The following ANXA8L1 variants were observed in gnomAD, a reference collection of about 807,000 sequenced individuals.
ANXA8L1 encodes the protein annexin A8-like protein 1.
ANXA8L1 carries 10 observed loss-of-function variants against 22.5 expected under a neutral mutation model. That is an observed-to-expected ratio of 0.44 (90% CI 0.27 to 0.75). The LOEUF (loss-of-function observed/expected upper bound fraction) is 0.75, where lower values mean the gene tolerates loss of function less well. Among genes scored for constraint, ANXA8L1 ranks in the 30% least tolerant of loss-of-function variants. ANXA8L1 has a pLI of 0.15. For synonymous variants in ANXA8L1, 36 were observed against 86.0 expected (o/e 0.42, Z 3.22); for missense variants, 88 against 219.6 (o/e 0.40, Z 3.79).
At chr10:46,384,920 T>A in intron 7 of ANXA8L1, 87 bp downstream of exon 7, 2 of 1,597,494 alleles carry the variant, frequency 1.3e-6, no homozygotes, top group Non-Finnish European at 1.7e-6. Flanking sequence ...TCTCTGACAC[T>A]GGGCTGGGAC....
chr10:46,391,697 T>TTCA lies in ANXA8L1; in HGVS notation c.*767_*768insTCA, dbSNP rs1840087907. 1 of 115,526 alleles carries TTCA rather than the reference T, an allele frequency of 8.7e-6. No homozygotes were observed. Among genetic ancestry groups the TTCA allele is most frequent in the African/African-American group, 4.3e-5 (1 of 23,354 alleles). 7.2% of individuals were successfully genotyped at this position (115,526 alleles called of 1,614,324 possible). A position where few individuals can be genotyped will look rare whatever the true frequency, so the allele number is the denominator to read the frequency against. On this transcript the variant is annotated 3_prime_UTR_variant, in exon 12 of 12. Coordinates refer to ENST00000619162, the MANE Select transcript of ANXA8L1 (RefSeq NM_001098845.3). ...CCCTCAGCACCACTCTTGTCCCCAC[T>TTCA]GAACGGCAACTGAGACTGGGTACCT... is the stretch of plus-strand genomic sequence containing the variant.
chr10:46,390,460 G>A (rs1840068571), intron 11 of ANXA8L1, among the ~76,000 whole-genome samples: 2 of 123,424 alleles, frequency 1.6e-5, no homozygotes, highest in South Asian at 4.9e-4. Flanking sequence ...CCTGCTCCCA[G>A]GTGTGTGCTG....
chr10:46,388,825 A>G (rs1840042244), intron 11 of ANXA8L1, among the ~76,000 whole-genome samples: 1 of 151,708 alleles, frequency 6.6e-6, no homozygotes, highest in Admixed American at 6.6e-5. Context: ...AGAAGAAGCC[A>G]CCTCTGAATA....
intron 1 of ANXA8L1, among the ~76,000 whole-genome samples, chr10:46,376,233 C>CGT (rs1306419858): frequency 7.4e-6 from 1 of 135,156 alleles, no homozygotes; most frequent in Admixed American, 7.6e-5. Flanking sequence ...GGTGCACACA[C>CGT]GTGTGCATTT....
At chr10:46,385,499 CG>C in intron 8 of ANXA8L1, 26 bp downstream of exon 8, 1 of 1,270,150 alleles carries the variant, frequency 7.9e-7, no homozygotes, top group Non-Finnish European at 1.1e-6. Context: ...GGGCTGGGGC[CG>C]GGGCCACAGG....
At chr10:46,377,799 C>G (rs1238279774) in intron 1 of ANXA8L1, among the ~76,000 whole-genome samples, 2 of 119,380 alleles carry the variant, frequency 1.7e-5, no homozygotes, top group African/African-American at 7.0e-5. Flanking sequence ...TGGGCAGCCA[C>G]GTAGCAGGGG....
In ANXA8L1 at chr10:46,375,826, A is replaced by G. The variant is rs1161261530; in HGVS notation, c.-26A>G. On this transcript the variant is annotated 5_prime_UTR_variant, in exon 1 of 12. Transcript: ENST00000619162. ...CAACCTGTGTCTCTTCATCTCCGTGAGAAAGGTGCCCCCGAAGTGAAAGAG... is the reference window on the plus strand; with the variant it reads ...CAACCTGTGTCTCTTCATCTCCGTGGGAAAGGTGCCCCCGAAGTGAAAGAG... 22 of 1,608,196 alleles carry G rather than the reference A, an allele frequency of 1.4e-5. No homozygotes were observed. Among genetic ancestry groups the G allele is most frequent in the Admixed American group, 3.4e-5 (2 of 59,578 alleles).
At position 46,385,466 on chromosome 10, in the gene ANXA8L1, G is replaced by A. The variant is rs2133014379; in HGVS notation, c.639G>A (p.Leu213=). Residue 213 remains leucine (L), a synonymous_variant, in exon 8 of 12, where the codon CTG becomes CTA. Coordinates refer to ENST00000619162, the MANE Select transcript of ANXA8L1 (RefSeq NM_001098845.3). The part of the protein sequence containing the change: ...TILCTRSATH[L]LRVFEEYEKI... Reference sequence around the variant, plus strand: ...TGTGCACGCGCAGTGCCACTCACCTGCTGAGAGGTACCAGGGAGGGAGGGG... The same window carrying A: ...TGTGCACGCGCAGTGCCACTCACCTACTGAGAGGTACCAGGGAGGGAGGGG... 3.2e-6 allele frequency: 4 copies of A among 1,266,904 alleles called. 2 individuals carry two copies. The highest frequency in any genetic ancestry group is 4.3e-6 in the Non-Finnish European group (4 of 922,630). 78.5% of individuals were successfully genotyped at this position (1,266,904 alleles called of 1,614,324 possible). A position where few individuals can be genotyped will look rare whatever the true frequency, so the allele number is the denominator to read the frequency against.
chr10:46,389,749 G>A (rs1167495141), intron 11 of ANXA8L1, among the ~76,000 whole-genome samples: 2 of 151,542 alleles, frequency 1.3e-5, no homozygotes, highest in East Asian at 3.9e-4. Flanking sequence ...AGGCGTAGTG[G>A]CCCACACCTG....
rs1329592073 is a variant in ANXA8L1, at chr10:46,385,732, A to G, written c.667A>G (p.Ile223Val). 1 of 343,838 alleles carries G rather than the reference A, an allele frequency of 2.9e-6. No homozygotes were observed. The highest frequency in any genetic ancestry group is 3.0e-5 in the East Asian group (1 of 33,408). The allele number at this position is 343,838 out of a possible 1,614,324, so 21.3% of individuals were successfully genotyped here. A position where few individuals can be genotyped will look rare whatever the true frequency, so the allele number is the denominator to read the frequency against. Residue 223 changes from isoleucine (I) to valine (V), a missense_variant, in exon 9 of 12, where the codon ATT becomes GTT. Transcript: ENST00000619162. Reference protein sequence around the residue: ...LLRVFEEYEKIANKSIEDSIK... With the variant: ...LLRVFEEYEKVANKSIEDSIK... ...CACAGTGTTTGAAGAGTATGAGAAA[A>G]TTGCCAACAAGAGCATTGAGGACAG...
chr10:46,385,519 G>A, intron 8 of ANXA8L1, 46 bp downstream of exon 8: 1 of 1,296,900 alleles, frequency 7.7e-7, no homozygotes, highest in South Asian at 1.3e-5. Flanking sequence ...GGGGTGTCCT[G>A]GCCATGAGCC....
intron 11 of ANXA8L1, among the ~76,000 whole-genome samples, chr10:46,390,229 C>G (rs1324987734): frequency 6.6e-6 from 1 of 150,628 alleles, no homozygotes; most frequent in African/African-American, 2.5e-5. Flanking sequence ...CATCGGACCA[C>G]AAGGTCAGTC....
At chr10:46,384,504 G>A (rs1428534163) in intron 6 of ANXA8L1, among the ~76,000 whole-genome samples, 1,392 of 110,438 alleles carry the variant, frequency 0.013, 76 homozygotes, top group African/African-American at 0.051. Flanking sequence ...TCCTGGAAGC[G>A]GGAGGAGAGC....
rs1448305099 is a variant in ANXA8L1, at chr10:46,381,468, C to T, written c.207+228C>T. The T allele has an allele frequency of 4.4e-5, 18 of 407,772 alleles. 5 individuals are homozygous for T. Among genetic ancestry groups the T allele is most frequent in the Non-Finnish European group, 6.6e-5 (15 of 226,678 alleles). 25.3% of individuals were successfully genotyped at this position (407,772 alleles called of 1,614,324 possible). On this transcript the variant is annotated intron_variant, in intron 3 of 11. Coordinates refer to ENST00000619162, the MANE Select transcript of ANXA8L1 (RefSeq NM_001098845.3). ...TACTTTTAGGTGTCAGAGCCCGGGC[C>T]GGGGGCTGGCCTTCCTTGCTTCCTT...
At position 46,384,817 on chromosome 10, in the gene ANXA8L1, C is replaced by G; in HGVS notation, c.536C>G (p.Ala179Gly). ...DVSSFVDPAL[A>G]LQDAQDLYAA... Reference sequence around the variant, plus strand: ...AGCAGCTTTGTGGACCCGGCACTGGCCCTCCAAGACGCACAGGTGAGGCTG... The same window carrying G: ...AGCAGCTTTGTGGACCCGGCACTGGGCCTCCAAGACGCACAGGTGAGGCTG... Residue 179 changes from alanine to glycine, a missense_variant, in exon 7 of 12, where the codon GCC becomes GGC. Coordinates refer to ENST00000619162, the MANE Select transcript of ANXA8L1 (RefSeq NM_001098845.3). The G allele has an allele frequency of 6.2e-7, 1 of 1,613,152 alleles. No homozygotes were observed.
At chr10:46,383,217 C>T (rs1439984385) in intron 4 of ANXA8L1, among the ~76,000 whole-genome samples, 2 of 145,352 alleles carry the variant, frequency 1.4e-5, no homozygotes, top group Non-Finnish European at 3.0e-5. Context: ...ATGGAGCAGC[C>T]TGTCTGAGAC....
At chr10:46,390,805 C>G in intron 11 of ANXA8L1, 66 bp from the exon 12 acceptor site, 1 of 1,085,138 alleles carries the variant, frequency 9.2e-7, no homozygotes, top group Admixed American at 2.5e-5. Flanking sequence ...CATAATAACA[C>G]AGCCGCCACT....
rs781960365 is a variant in ANXA8L1 at position 46,390,932 on chromosome 10, G to A, written c.*2G>A. The A allele has an allele frequency of 4.3e-6, 6 of 1,408,350 alleles. No homozygotes were observed. The South Asian group carries it at 7.2e-5, about 17-fold the overall frequency. The allele number at this position is 1,408,350 out of a possible 1,614,324, so 87.2% of individuals were successfully genotyped here. ...AGCCTGGTGGGCAGCGACCCCTGAG[G>A]CACAGAAGAACAAGAGCAAAGACCA... On this transcript the variant is annotated 3_prime_UTR_variant, in exon 12 of 12. Coordinates refer to ENST00000619162, the MANE Select transcript of ANXA8L1 (RefSeq NM_001098845.3).
chr10:46,385,157 AGGCAGTTCCTAGAGCAGCTTGTG>A (rs1840022228), intron 7 of ANXA8L1, among the ~76,000 whole-genome samples, 200 bp from the exon 8 acceptor site: 6 of 69,210 alleles, frequency 8.7e-5, no homozygotes, highest in Admixed American at 3.1e-4. Flanking sequence ...TCTGGGGACC[AGGCAGTTCCTAGAGCAGCTTGTG>A]GCCCAGGATA....
Sources: gnomAD v4.1 joint callset for allele counts (sites outside exome capture counted in the v4.1 genomes callset) on GRCh38, gnomAD v4.1.1 for gene constraint, MANE v1.5 for transcripts, NCBI Gene and HGNC (gene_info 2026-07-23, HGNC 2026-07-21) for gene names.